The following LARGE1 variants were observed in gnomAD, a reference collection of about 807,000 sequenced individuals.
The protein encoded by LARGE1 is LARGE xylosyl- and glucuronyltransferase 1, also known as xylosyl- and glucuronyltransferase LARGE1.
A neutral mutation model predicts 87.6 loss-of-function variants in LARGE1; 43 were observed. The observed-to-expected ratio is 0.49, with a 90% CI of 0.38 to 0.63. LARGE1 has a LOEUF of 0.63. Ranked by LOEUF, LARGE1 falls within the 30% of genes least tolerant of loss-of-function variation. The probability of loss-of-function intolerance (pLI) is 0.00; values close to 1 mark genes in which losing one functional copy is unlikely to be tolerated. For missense variants in LARGE1, 802 were observed against 1,000.2 expected, an observed-to-expected ratio of 0.80 and a Z score of 2.67; for synonymous variants, 434 against 394.6, an observed-to-expected ratio of 1.10 and a Z score of -1.18.
rs80128825 is a variant in LARGE1, at chr22:33,871,268, G to T, written c.-83+48727C>A. Among the ~76,000 whole-genome samples, 530 of 152,266 alleles carry T rather than the reference G, an allele frequency of 3.5e-3. 1 individual carries two copies. The highest frequency in any genetic ancestry group is 6.4e-3 in the South Asian group (31 of 4,824). ...ACAGAAATCAGAATAGGAATACCTG[G>T]GGTGTCTAGAGTACAAAGCAGACAG... On this transcript the variant is annotated intron_variant, in intron 1 of 14. Coordinates refer to ENST00000397394, the MANE Select transcript of LARGE1 (RefSeq NM_133642.5).
chr22:33,076,814 A>T, the LARGE1 span, among the ~76,000 whole-genome samples: 4 of 152,188 alleles, frequency 2.6e-5, no homozygotes, highest in Admixed American at 6.5e-5. Context: ...TTAGCGTTGT[A>T]TCTTAAGAGC....
intron 6 of LARGE1, among the ~76,000 whole-genome samples, chr22:33,486,510 A>T (rs1018612989): frequency 1.0e-4 from 15 of 149,266 alleles, no homozygotes; most frequent in Admixed American, 7.4e-4. Flanking sequence ...AGGACTAAAC[A>T]GAAGAGACAG....
chr22:33,283,316 G>C lies in LARGE1; in HGVS notation c.1763C>G (p.Thr588Ser). 6.2e-7 allele frequency: 1 copy of C among 1,614,172 alleles called. No individual in the cohort carries two copies. Among genetic ancestry groups the C allele is most frequent in the Non-Finnish European group, 8.5e-7 (1 of 1,180,026 alleles). Residue 588 changes from threonine to serine, a missense_variant, in exon 13 of 15, where the codon ACC becomes AGC. By Grantham distance (58) the Thr-to-Ser change is moderately conservative. Coordinates refer to ENST00000397394, the MANE Select transcript of LARGE1 (RefSeq NM_133642.5). Reference sequence around the variant, plus strand: ...CGCGGGGACAATCATTGCTTTCTTGGTGTTGGCAAGATCGAGCTGGATGAC... The same window carrying C: ...CGCGGGGACAATCATTGCTTTCTTGCTGTTGGCAAGATCGAGCTGGATGAC... ...KSVIQLDLAN[T>S]KKAMIVPAFE...
chr22:33,196,178 AAG>A (rs1346855806), intron 11 of LARGE1, among the ~76,000 whole-genome samples: 4 of 152,050 alleles, frequency 2.6e-5, no homozygotes, highest in African/African-American at 7.2e-5. Flanking sequence ...CAAACTGAAA[AAG>A]AGAGAAACAA....
intron 6 of LARGE1, among the ~76,000 whole-genome samples, chr22:33,523,316 ATTGTTT>A (rs1376498149): frequency 6.6e-6 from 1 of 151,360 alleles, no homozygotes; most frequent in Non-Finnish European, 1.5e-5. Flanking sequence ...AGCCCTCACT[ATTGTTT>A]TTATTTGCAT....
At chr22:33,865,829 A>ATTTTTTTTTTTTTTTT (rs2064079507) in intron 1 of LARGE1, among the ~76,000 whole-genome samples, 1 of 32,982 alleles carries the variant, frequency 3.0e-5, no homozygotes, top group Non-Finnish European at 6.0e-5. Context: ...GTTAGCTGTT[A>ATTTTTTTTTTTTTTTT]TTCTTTTTTT....
Position 33,256,338 on chromosome 22 carries a change from G to A in LARGE1, c.1730+47891C>T, listed in dbSNP as rs1927265706. 2.0e-5 allele frequency among the ~76,000 whole-genome samples: 3 copies of A among 152,130 alleles called. No individual in the cohort carries two copies. The South Asian group carries it at 6.2e-4, about 32-fold the overall frequency. ...GTTGACTTTTAAATAAACCGAAGCC[G>A]AAAGTTGCAGAAAAGTTGAAAAGAA... On this transcript the variant is annotated intron_variant, in intron 11 of 11. Transcript: ENST00000608642.
At chr22:33,348,289 C>CCAAAA (rs1569081859) in intron 9 of LARGE1, among the ~76,000 whole-genome samples, 4 of 124,052 alleles carry the variant, frequency 3.2e-5, no homozygotes, top group South Asian at 3.1e-4. Flanking sequence ...CACCCCCCCC[C>CCAAAA]AAAAAAAAAG....
At chr22:33,182,649 T>C (rs1333896805) in intron 11 of LARGE1, among the ~76,000 whole-genome samples, 1 of 152,160 alleles carries the variant, frequency 6.6e-6, no homozygotes, top group Non-Finnish European at 1.5e-5. Context: ...AAACAGAAGA[T>C]AGTCCAGAAA....
At chr22:33,436,675 G>C (rs976966209) in intron 6 of LARGE1, 2 of 152,680 alleles carry the variant, frequency 1.3e-5, no homozygotes, top group African/African-American at 4.8e-5. Context: ...GAAGAGAAAG[G>C]TGAGTTTCAG....
chr22:33,813,370 T>G (rs534415599), intron 1 of LARGE1, among the ~76,000 whole-genome samples: 1 of 152,222 alleles, frequency 6.6e-6, no homozygotes, highest in East Asian at 1.9e-4. Flanking sequence ...TATGCTCTTT[T>G]GTTCATCTCC....
rs533384650 is a variant in LARGE1 at position 33,561,895 on chromosome 22, C to T, written c.787+2953G>A. The stretch of plus-strand genomic sequence containing the variant: ...TCCTGAAAAAGGCTTCTTTGTAATT[C>T]TCCCGGTAATGAATTTAGGAACAAG... On this transcript the variant is annotated intron_variant, in intron 6 of 14. Coordinates refer to ENST00000397394, the MANE Select transcript of LARGE1 (RefSeq NM_133642.5). Among the ~76,000 whole-genome samples the T allele has an allele frequency of 3.3e-5, 5 of 152,288 alleles. No individual in the cohort carries two copies. The East Asian group carries it at 9.6e-4, about 29-fold the overall frequency.
intron 5 of LARGE1, among the ~76,000 whole-genome samples, chr22:33,571,202 G>A (rs1405792406): frequency 6.6e-6 from 1 of 152,176 alleles, no homozygotes; most frequent in Non-Finnish European, 1.5e-5. Context: ...TGTAAAGGGA[G>A]CACAGGCAAC....
intron 2 of LARGE1, among the ~76,000 whole-genome samples, chr22:33,748,275 G>A (rs142245320): frequency 2.8e-4 from 43 of 151,874 alleles, no homozygotes; most frequent in East Asian, 9.7e-4. Context: ...GGGATTACAG[G>A]TGCCCGCCAT....
intron 7 of LARGE1, among the ~76,000 whole-genome samples, chr22:33,418,106 C>G (rs2066565876): frequency 6.6e-6 from 1 of 152,160 alleles, no homozygotes; most frequent in African/African-American, 2.4e-5. Context: ...TGCCACCATG[C>G]CTGGCTAATT....
rs192000829 is a variant in LARGE1, at chr22:33,385,012, G to A, written c.893-708C>T. The stretch of plus-strand genomic sequence containing the variant: ...CTTGATGATTACTGACAAGCCATAT[G>A]GGCCTGTCTCAGTCTTCCTGATTTC... On this transcript the variant is annotated intron_variant, in intron 7 of 14. Transcript: ENST00000397394. Among the ~76,000 whole-genome samples the A allele has an allele frequency of 1.6e-4, 24 of 148,770 alleles. 1 individual carries two copies. In the East Asian group the frequency reaches 4.4e-3, roughly 28 times the overall value.
At chr22:33,159,747 G>C (rs929751646), downstream of LARGE1, among the ~76,000 whole-genome samples, 2 of 151,822 alleles carry the variant, frequency 1.3e-5, no homozygotes. Context: ...ACCACGCCTG[G>C]CTAATTTTTT....
chr22:33,414,021 T>C (rs1313790924), intron 7 of LARGE1, among the ~76,000 whole-genome samples: 13 of 152,210 alleles, frequency 8.5e-5, no homozygotes, highest in Admixed American at 8.5e-4. Context: ...GATACTGCTT[T>C]GAGACTCTGA....
At chr22:33,898,179 G>T (rs1010061229) in intron 1 of LARGE1, among the ~76,000 whole-genome samples, 2 of 152,188 alleles carry the variant, frequency 1.3e-5, no homozygotes, top group Non-Finnish European at 2.9e-5. Flanking sequence ...GCTCCTGAAT[G>T]ATGCGGAAGA....
Sources: allele counts gnomAD v4.1 joint callset (sites outside exome capture counted in the v4.1 genomes callset), GRCh38; gene constraint gnomAD v4.1.1; transcripts MANE v1.5; gene names NCBI Gene and HGNC (gene_info 2026-07-23, HGNC 2026-07-21).